The following GOLGA6B variants were observed in gnomAD, a reference collection of about 807,000 sequenced individuals.
The protein encoded by GOLGA6B is golgin subfamily A member 6B.
Under a neutral mutation model 63.0 loss-of-function variants are expected in GOLGA6B, and 11 were observed. The ratio of observed to expected loss-of-function variants is 0.17; its 90% CI spans 0.11 to 0.29. GOLGA6B has a LOEUF of 0.29. Ranked by LOEUF, GOLGA6B falls within the 10% of genes least tolerant of loss-of-function variation. The pLI is 1.00. For synonymous variants in GOLGA6B, 46 were observed against 232.6 expected, an observed-to-expected ratio of 0.20 and a Z score of 7.30; for missense variants, 134 against 563.8, an observed-to-expected ratio of 0.24 and a Z score of 7.72.
At chr15:72,657,861 G>A (rs1163500590) in intron 2 of GOLGA6B, among the ~76,000 whole-genome samples, 4 of 74,314 alleles carry the variant, frequency 5.4e-5, no homozygotes, top group Admixed American at 1.5e-4. Flanking sequence ...TTCCTTCCCC[G>A]CGTCTTTTAT....
intron 12 of GOLGA6B, among the ~76,000 whole-genome samples, 192 bp from the exon 13 acceptor site, chr15:72,664,244 C>A (rs577189231): frequency 1.5e-5 from 2 of 130,376 alleles, no homozygotes; most frequent in Admixed American, 1.5e-4. Flanking sequence ...GGAGGCGCTG[C>A]ACAGGCAGTT....
rs1486186831 is a variant in GOLGA6B, at chr15:72,668,998, T to G, written c.*2656T>G. 2.6e-5 allele frequency among the ~76,000 whole-genome samples: 4 copies of G among 151,172 alleles called. No individual in the cohort carries two copies. The highest frequency in any genetic ancestry group is 2.1e-4 in the South Asian group (1 of 4,744). On this transcript the variant is annotated 3_prime_UTR_variant, in exon 18 of 18. Coordinates refer to ENST00000421285, the MANE Select transcript of GOLGA6B (RefSeq NM_018652.5). The stretch of plus-strand genomic sequence containing the variant: ...TCTTCCTCATTCAGTTTAAGGCAGC[T>G]TTCAATTTGCTTAGAAGGCAACATT...
At chr15:72,661,228 T>C (rs2064594656) in intron 7 of GOLGA6B, 36 bp from the exon 8 acceptor site, 1 of 1,611,632 alleles carries the variant, frequency 6.2e-7, no homozygotes, top group Non-Finnish European at 8.5e-7. Flanking sequence ...CTGCCTGAGC[T>C]CCCCAGATCA....
chr15:72,665,135 C>T (rs375607400), intron 14 of GOLGA6B, 100 bp downstream of exon 14: 34,941 of 870,498 alleles, frequency 0.04, 237 homozygotes, highest in Middle Eastern at 0.062. Flanking sequence ...TGCTCTGGCC[C>T]CTCACCCCTT....
rs760125892 is a variant in GOLGA6B, at chr15:72,664,424, C to G, written c.1426-12C>G. 5.3e-6 allele frequency: 7 copies of G among 1,321,716 alleles called. 1 individual carries two copies. In the East Asian group the frequency reaches 1.5e-4, roughly 29 times the overall value. The allele number at this position is 1,321,716 out of a possible 1,614,324, so 81.9% of individuals were successfully genotyped here. ...CCTCCGTGCCTTCTCACTCTGTTTC[C>G]CGTCCCCTTAGGAGCACCTAGAAGC... On this transcript the variant is annotated splice_polypyrimidine_tract_variant and intron_variant, in intron 12 of 17. Transcript: ENST00000421285.
chr15:72,664,283 C>T lies in GOLGA6B; in HGVS notation c.1426-153C>T, dbSNP rs1327586165. On this transcript the variant is annotated intron_variant, in intron 12 of 17. Transcript: ENST00000421285. ...GCTGCAGACCCAGCTCGTGGACCAG[C>T]TGCAGCAGCAGGAAGCTTGGGGCAA... Among the ~76,000 whole-genome samples the T allele has an allele frequency of 2.3e-5, 3 of 130,136 alleles. 1 individual carries two copies. Among genetic ancestry groups the T allele is most frequent in the African/African-American group, 7.9e-5 (3 of 37,806 alleles). The allele number at this position is 130,136 out of a possible 152,430, so 85.4% of individuals were successfully genotyped here.
At chr15:72,663,874 G>C (rs1344362998) in intron 12 of GOLGA6B, among the ~76,000 whole-genome samples, 2 of 129,432 alleles carry the variant, frequency 1.5e-5, no homozygotes, top group Non-Finnish European at 1.7e-5. Flanking sequence ...CTTAGCAGAT[G>C]GTGGTTGGCT....
At position 72,664,226 on chromosome 15, in the gene GOLGA6B, T is replaced by C. The variant is rs372560608; in HGVS notation, c.1426-210T>C. 3.8e-5 allele frequency among the ~76,000 whole-genome samples: 5 copies of C among 130,312 alleles called. No individual in the cohort carries two copies. In the East Asian group the frequency reaches 1.2e-3, roughly 31 times the overall value. The allele number at this position is 130,312 out of a possible 152,430, so 85.5% of individuals were successfully genotyped here. A position where few individuals can be genotyped will look rare whatever the true frequency, so the allele number is the denominator to read the frequency against. On this transcript the variant is annotated intron_variant, in intron 12 of 17. Coordinates refer to ENST00000421285, the MANE Select transcript of GOLGA6B (RefSeq NM_018652.5). ...CGTGGCCACCTATCAGCAGCTGACC[T>C]CTGAGAAGGAGGCGCTGCACAGGCA... is the stretch of plus-strand genomic sequence containing the variant.
At chr15:72,661,127 C>G in intron 7 of GOLGA6B, 137 bp from the exon 8 acceptor site, 1 of 987,260 alleles carries the variant, frequency 1.0e-6, no homozygotes, top group Non-Finnish European at 1.6e-6. Flanking sequence ...TTACTGAGTT[C>G]TTTTAATAAC....
intron 12 of GOLGA6B, among the ~76,000 whole-genome samples, chr15:72,664,021 TC>T (rs2064617137): frequency 4.6e-5 from 6 of 129,372 alleles, no homozygotes; most frequent in Admixed American, 3.8e-4. Flanking sequence ...GGGACCAGGG[TC>T]CTGGGCAGGT....
At chr15:72,657,337 A>G (rs1280140886) in intron 2 of GOLGA6B, among the ~76,000 whole-genome samples, 10 of 143,586 alleles carry the variant, frequency 7.0e-5, no homozygotes, top group African/African-American at 2.6e-4. Flanking sequence ...CAGTGAGCGT[A>G]TTAAGATCTG....
chr15:72,662,194 G>A (rs867395769), intron 10 of GOLGA6B, 58 bp from the exon 11 acceptor site: 3 of 1,374,546 alleles, frequency 2.2e-6, no homozygotes, highest in Non-Finnish European at 2.9e-6. Flanking sequence ...TTTTGAGGGG[G>A]ATGTGGGTAG....
At position 72,667,271 on chromosome 15, in the gene GOLGA6B, A is replaced by G. The variant is rs1390042654; in HGVS notation, c.*929A>G. Among the ~76,000 whole-genome samples, 1 of 118,542 alleles carries G rather than the reference A, an allele frequency of 8.4e-6. No homozygotes were observed. The highest frequency in any genetic ancestry group is 3.3e-5 in the African/African-American group (1 of 29,914). 77.8% of individuals were successfully genotyped at this position (118,542 alleles called of 152,430 possible). A position where few individuals can be genotyped will look rare whatever the true frequency, so the allele number is the denominator to read the frequency against. Reference sequence around the variant, plus strand: ...GAAAGGCTCCCATCATTGACTGTGGATGTGGAAAACCTTTTCTAGCTTAGA... The same window carrying G: ...GAAAGGCTCCCATCATTGACTGTGGGTGTGGAAAACCTTTTCTAGCTTAGA... On this transcript the variant is annotated 3_prime_UTR_variant, in exon 18 of 18. Coordinates refer to ENST00000421285, the MANE Select transcript of GOLGA6B (RefSeq NM_018652.5).
At chr15:72,662,093 C>T (rs1475333355) in intron 10 of GOLGA6B, among the ~76,000 whole-genome samples, 159 bp from the exon 11 acceptor site, 1 of 103,852 alleles carries the variant, frequency 9.6e-6, no homozygotes, top group Admixed American at 9.4e-5. Flanking sequence ...AAATTGGCTA[C>T]CATTGGGTGC....
Position 72,662,383 on chromosome 15 carries a change from G to A in GOLGA6B, c.979G>A (p.Ala327Thr), listed in dbSNP as rs376161411. ...KLQSQVENNQ[A>T]LSLLSKEQKQ... ...CCAATCCCAGGTGGAAAACAATCAGGCCTTGAGTCTCCTTAGCAAGGAACA... is the reference window on the plus strand; with the variant it reads ...CCAATCCCAGGTGGAAAACAATCAGACCTTGAGTCTCCTTAGCAAGGAACA... Residue 327 changes from alanine (A) to threonine (T), a missense_variant, in exon 11 of 18, where the codon GCC becomes ACC. Physicochemically the swap from Ala to Thr is moderately conservative, Grantham distance 58. Coordinates refer to ENST00000421285, the MANE Select transcript of GOLGA6B (RefSeq NM_018652.5). 67 of 1,392,590 alleles carry A rather than the reference G, an allele frequency of 4.8e-5. 14 individuals carry two copies. Among genetic ancestry groups the A allele is most frequent in the African/African-American group, 4.3e-4 (29 of 67,106 alleles). 86.3% of individuals were successfully genotyped at this position (1,392,590 alleles called of 1,614,324 possible). A position where few individuals can be genotyped will look rare whatever the true frequency, so the allele number is the denominator to read the frequency against.
At chr15:72,657,941 G>C in intron 2 of GOLGA6B, among the ~76,000 whole-genome samples, 1 of 108,104 alleles carries the variant, frequency 9.3e-6, no homozygotes, top group East Asian at 2.6e-4. Context: ...AGGCATGTGG[G>C]ATTTGGGCTC....
In GOLGA6B at chr15:72,662,261, C is replaced by T. The variant is rs764421744; in HGVS notation, c.857C>T (p.Pro286Leu). The change falls in exon 11 of 18, where the codon CCA becomes CTA. Residue 286 changes from proline (P) to leucine (L), a missense_variant. Transcript: ENST00000421285. ...SELKNQMAKP[P>L]SLAPPAVTSV... ...CTGCTTCATTTCTCAGCTAAGCCCC[C>T]ATCCCTGGCGCCCCCAGCAGTGACC... The T allele has an allele frequency of 7.2e-7, 1 of 1,385,986 alleles. No homozygotes were observed. 85.9% of individuals were successfully genotyped at this position (1,385,986 alleles called of 1,614,324 possible).
At chr15:72,664,130 G>A (rs1323861058) in intron 12 of GOLGA6B, among the ~76,000 whole-genome samples, 1 of 130,334 alleles carries the variant, frequency 7.7e-6, no homozygotes, top group African/African-American at 2.6e-5. Context: ...CCTGCAGGTG[G>A]AGCTGAAGAG....
rs2064614135 is a variant in GOLGA6B, at chr15:72,663,540, T to C, written c.1425+435T>C. Among the ~76,000 whole-genome samples, 2 of 120,798 alleles carry C rather than the reference T, an allele frequency of 1.7e-5. 1 individual carries two copies. The highest frequency in any genetic ancestry group is 3.7e-5 in the Non-Finnish European group (2 of 54,782). The allele number at this position is 120,798 out of a possible 152,430, so 79.2% of individuals were successfully genotyped here. A position where few individuals can be genotyped will look rare whatever the true frequency, so the allele number is the denominator to read the frequency against. On this transcript the variant is annotated intron_variant, in intron 12 of 17. Transcript: ENST00000421285. ...ACAACAACAAAAAATTAGCCAGGCATGGTGGCGCATGCCTGTAATCCCAGC... is the reference window on the plus strand; with the variant it reads ...ACAACAACAAAAAATTAGCCAGGCACGGTGGCGCATGCCTGTAATCCCAGC...
Sources: allele counts gnomAD v4.1 joint callset (sites outside exome capture counted in the v4.1 genomes callset), GRCh38; gene constraint gnomAD v4.1.1; transcripts MANE v1.5; gene names NCBI Gene and HGNC (gene_info 2026-07-23, HGNC 2026-07-21).